RFTN1: variants seen among roughly 807,000 people sequenced by gnomAD.
The protein encoded by RFTN1 is raftlin.
Under a neutral mutation model 46.5 loss-of-function variants are expected in RFTN1, and 26 were observed. The observed-to-expected ratio is 0.56, with a 90% CI of 0.41 to 0.78. The LOEUF is 0.78. Among genes scored for constraint, RFTN1 ranks in the 30% least tolerant of loss-of-function variants. The pLI is 0.00. For missense variants in RFTN1, 693 were observed against 718.7 expected, an observed-to-expected ratio of 0.96 and a Z score of 0.41; for synonymous variants, 261 against 284.2, an observed-to-expected ratio of 0.92 and a Z score of 0.82.
rs2073461736 is a variant in RFTN1, at chr3:16,370,723, C to G, written c.827-444G>C. 1 of 187,268 alleles carries G rather than the reference C, an allele frequency of 5.3e-6. No individual in the cohort carries two copies. The highest frequency in any genetic ancestry group is 1.1e-5 in the Non-Finnish European group (1 of 88,114). 11.6% of individuals were successfully genotyped at this position (187,268 alleles called of 1,614,324 possible). On this transcript the variant is annotated intron_variant, in intron 5 of 9. Coordinates refer to ENST00000334133, the MANE Select transcript of RFTN1 (RefSeq NM_015150.2). The surrounding 1 kb of genome is among the most constrained non-coding windows in gnomAD (Gnocchi z 5.5). ...AAAATACTGCTCTAATTCCAGGAACCTTGTACACTCCTGAACTCACTATTT... is the reference window on the plus strand; with the variant it reads ...AAAATACTGCTCTAATTCCAGGAACGTTGTACACTCCTGAACTCACTATTT...
intron 2 of RFTN1, among the ~76,000 whole-genome samples, chr3:16,444,230 T>G (rs1209115948): frequency 6.6e-6 from 1 of 152,216 alleles, no homozygotes; most frequent in Non-Finnish European, 1.5e-5. Context: ...TCTTGGTAGT[T>G]CTCTTGATTT....
intron 2 of RFTN1, among the ~76,000 whole-genome samples, chr3:16,462,556 C>T (rs1474456185): frequency 6.6e-6 from 1 of 152,122 alleles, no homozygotes; most frequent in Non-Finnish European, 1.5e-5. Context: ...GAGAAGAAGG[C>T]AATATGAAGA....
intron 4 of RFTN1, among the ~76,000 whole-genome samples, chr3:16,401,660 G>A (rs892521676): frequency 3.3e-5 from 5 of 152,268 alleles, no homozygotes; most frequent in East Asian, 3.9e-4. Flanking sequence ...GTATATCTCT[G>A]TTATGAATTG....
rs765769545 is a variant in RFTN1, at chr3:16,377,787, C to A, written c.757G>T (p.Gly253Trp). ...EGDGGELSPQ[G>W]VSKTLDGPES... ...GGTCCATCCAGTGTCTTGCTCACCC[C>A]CTGTGGTGAAAGTTCTCCACCATCT... Residue 253 changes from glycine to tryptophan, a missense_variant, in exon 5 of 10, where the codon GGG becomes TGG. Coordinates refer to ENST00000334133, the MANE Select transcript of RFTN1 (RefSeq NM_015150.2). 5.6e-6 allele frequency: 9 copies of A among 1,614,168 alleles called. No individual in the cohort carries two copies. Among genetic ancestry groups the A allele is most frequent in the Middle Eastern group, 1.6e-4 (1 of 6,062 alleles).
intron 7 of RFTN1, among the ~76,000 whole-genome samples, chr3:16,354,340 C>A (rs1055267950): frequency 6.6e-6 from 1 of 152,198 alleles, no homozygotes; most frequent in East Asian, 1.9e-4. Flanking sequence ...ACCCATAAAC[C>A]AAGGAGTTAC....
At chr3:16,339,246 T>C (rs2071140345) in intron 7 of RFTN1, 1 of 152,262 alleles carries the variant, frequency 6.6e-6, no homozygotes. Context: ...GTGACTCAAC[T>C]GTCAGTATCA....
At chr3:16,495,704 C>G (rs1010677069) in intron 1 of RFTN1, among the ~76,000 whole-genome samples, 3 of 152,184 alleles carry the variant, frequency 2.0e-5, no homozygotes, top group Non-Finnish European at 4.4e-5. Flanking sequence ...GCCAGAGAGG[C>G]AGCGTGGGGT....
chr3:16,406,250 G>C (rs2074853540), intron 4 of RFTN1, among the ~76,000 whole-genome samples: 1 of 152,204 alleles, frequency 6.6e-6, no homozygotes, highest in South Asian at 2.1e-4. Context: ...GAGGAGCAGG[G>C]AGAAGGGGGC....
At chr3:16,414,791 CCAGG>C (rs1228422356) in intron 3 of RFTN1, among the ~76,000 whole-genome samples, 1 of 151,958 alleles carries the variant, frequency 6.6e-6, no homozygotes, top group Non-Finnish European at 1.5e-5. Flanking sequence ...CATGAGCTCT[CCAGG>C]CAGAGGGAAC....
rs2073796981 is a variant in RFTN1 at position 16,376,936 on chromosome 3, G to A, written c.826+782C>T. 6.6e-6 allele frequency among the ~76,000 whole-genome samples: 1 copy of A among 151,996 alleles called. No individual in the cohort carries two copies. The highest frequency in any genetic ancestry group is 6.6e-5 in the Admixed American group (1 of 15,266). ...ATTAACCAGGGAGATCATCCAGAAA[G>A]GCCTAAACAGAAAGCCCTCCTAAGC... is the stretch of plus-strand genomic sequence containing the variant. On this transcript the variant is annotated intron_variant, in intron 5 of 9. Transcript: ENST00000334133. This position sits in a 1 kb window ranked among gnomAD's most constrained non-coding sequence, Gnocchi z 4.7.
intron 1 of RFTN1, among the ~76,000 whole-genome samples, chr3:16,502,745 C>T (rs1231811784): frequency 1.3e-5 from 2 of 152,240 alleles, no homozygotes; most frequent in Non-Finnish European, 2.9e-5. Flanking sequence ...GTAGATCCTA[C>T]AGCCTTCAGC....
At position 16,458,555 on chromosome 3, in the gene RFTN1, G is replaced by A. The variant is rs1167874845; in HGVS notation, c.146-24518C>T. 7.9e-5 allele frequency among the ~76,000 whole-genome samples: 12 copies of A among 152,054 alleles called. No individual in the cohort carries two copies. The highest frequency in any genetic ancestry group is 2.9e-4 in the African/African-American group (12 of 41,382). On this transcript the variant is annotated intron_variant, in intron 2 of 9. Transcript: ENST00000334133. This position sits in a 1 kb window ranked among gnomAD's most constrained non-coding sequence, Gnocchi z 5.1. ...AGCTTTTCAATAGTGGATCTTTATT[G>A]AGCTTTTCCATCTTTGTAAATCGTA...
In RFTN1 at chr3:16,387,903, G is replaced by T. The variant is rs1380388930; in HGVS notation, c.442-9801C>A. Among the ~76,000 whole-genome samples the T allele has an allele frequency of 6.6e-6, 1 of 152,044 alleles. No homozygotes were observed. Among genetic ancestry groups the T allele is most frequent in the Non-Finnish European group, 1.5e-5 (1 of 68,022 alleles). On this transcript the variant is annotated intron_variant, in intron 4 of 9. Transcript: ENST00000334133. This position sits in a 1 kb window ranked among gnomAD's most constrained non-coding sequence, Gnocchi z 5.2. The stretch of plus-strand genomic sequence containing the variant: ...CCTCCTCCTGGAGATGCTCTTCCTT[G>T]GCCTCACCACCACCTTTCTGCTGGT...
At position 16,464,932 on chromosome 3, in the gene RFTN1, T is replaced by G. The variant is rs577927049; in HGVS notation, c.145+28793A>C. Among the ~76,000 whole-genome samples, 14 of 152,350 alleles carry G rather than the reference T, an allele frequency of 9.2e-5. No individual in the cohort carries two copies. In the East Asian group the frequency reaches 2.3e-3, roughly 25 times the overall value. ...CGCAAGTTAACTTTGGAGAGAAGAT[T>G]GCATGTGCGGTTCCCTGATTCTTAT... On this transcript the variant is annotated intron_variant, in intron 2 of 9. Transcript: ENST00000334133.
intron 4 of RFTN1, among the ~76,000 whole-genome samples, chr3:16,401,091 C>A (rs907247209): frequency 6.6e-6 from 1 of 152,094 alleles, no homozygotes; most frequent in South Asian, 2.1e-4. Context: ...GGGGGCCGAT[C>A]GCTTGAGCCC....
In RFTN1 at chr3:16,507,897, A is replaced by G. The variant is rs1301748954; in HGVS notation, c.-9+5545T>C. ...CATATGAAAGCTGATAGGCCCCCGT[A>G]AAGAATAAATTGTAACCCTCAAGGA... On this transcript the variant is annotated intron_variant, in intron 1 of 9. Coordinates refer to ENST00000334133, the MANE Select transcript of RFTN1 (RefSeq NM_015150.2). This position sits in a 1 kb window ranked among gnomAD's most constrained non-coding sequence, Gnocchi z 7.1. Among the ~76,000 whole-genome samples the G allele has an allele frequency of 6.6e-6, 1 of 152,126 alleles. No individual in the cohort carries two copies. The highest frequency in any genetic ancestry group is 1.5e-5 in the Non-Finnish European group (1 of 68,022).
rs887122898 is a variant in RFTN1 at position 16,384,014 on chromosome 3, A to C, written c.442-5912T>G. Among the ~76,000 whole-genome samples the C allele has an allele frequency of 6.6e-6, 1 of 152,254 alleles. No homozygotes were observed. The highest frequency in any genetic ancestry group is 2.4e-5 in the African/African-American group (1 of 41,466). On this transcript the variant is annotated intron_variant, in intron 4 of 9. Coordinates refer to ENST00000334133, the MANE Select transcript of RFTN1 (RefSeq NM_015150.2). The surrounding 1 kb of genome is among the most constrained non-coding windows in gnomAD (Gnocchi z 4.7). ...TTTAAATGTGTGATTAACATTTACT[A>C]TCAGTTGACTTTCGGTAAAGTGGAT...
chr3:16,398,320 T>G (rs1340283856), intron 4 of RFTN1, among the ~76,000 whole-genome samples: 2 of 148,498 alleles, frequency 1.3e-5, no homozygotes, highest in African/African-American at 4.9e-5. Context: ...CGTGTGTGCC[T>G]CTGAAACATA....
chr3:16,483,657 T>C lies in RFTN1; in HGVS notation c.145+10068A>G, dbSNP rs541761057. Among the ~76,000 whole-genome samples, 13 of 152,192 alleles carry C rather than the reference T, an allele frequency of 8.5e-5. No homozygotes were observed. Among genetic ancestry groups the C allele is most frequent in the Non-Finnish European group, 1.8e-4 (12 of 68,038 alleles). ...GTCACCTAAAGAAAGTAAGTTATGA[T>C]TTGGTCATAATACATAGGTAGGTAA... On this transcript the variant is annotated intron_variant, in intron 2 of 9. Coordinates refer to ENST00000334133, the MANE Select transcript of RFTN1 (RefSeq NM_015150.2). The surrounding 1 kb of genome is among the most constrained non-coding windows in gnomAD (Gnocchi z 4.8).
Sources: gnomAD v4.1 joint callset for allele counts (sites outside exome capture counted in the v4.1 genomes callset) on GRCh38, gnomAD v4.1.1 for gene constraint, Gnocchi (gnomAD v3.1) non-coding constraint, MANE v1.5 for transcripts, NCBI Gene and HGNC (gene_info 2026-07-23, HGNC 2026-07-21) for gene names.